STIL: variants seen among roughly 807,000 people sequenced by gnomAD.
STIL encodes SCL-interrupting locus protein.
A neutral mutation model predicts 110.1 loss-of-function variants in STIL; 55 were observed. That is an observed-to-expected ratio of 0.50 (90% CI 0.40 to 0.63). The LOEUF (loss-of-function observed/expected upper bound fraction) is 0.63, where lower values mean the gene tolerates loss of function less well. Among genes scored for constraint, STIL ranks in the 20% least tolerant of loss-of-function variants. The pLI, the probability that STIL is intolerant of heterozygous loss-of-function variation, is 0.00. For missense variants in STIL, 1,358 were observed against 1,530.0 expected (o/e 0.89, Z 1.87); for synonymous variants, 481 against 530.0 (o/e 0.91, Z 1.27).
At chr1:47,299,800 A>G in intron 6 of STIL, 105 bp downstream of exon 6, 2 of 1,199,618 alleles carry the variant, frequency 1.7e-6, no homozygotes, top group Non-Finnish European at 2.4e-6. Flanking sequence ...CCAAGCCACC[A>G]TATCTCTGGC....
At chr1:47,264,419 T>TA (rs1644576919) in intron 14 of STIL, among the ~76,000 whole-genome samples, 1 of 152,036 alleles carries the variant, frequency 6.6e-6, no homozygotes, top group Non-Finnish European at 1.5e-5. Context: ...TAAGATTAAA[T>TA]AAAAAATTTT....
At chr1:47,266,024 T>C (rs1241660067) in intron 14 of STIL, among the ~76,000 whole-genome samples, 1 of 151,940 alleles carries the variant, frequency 6.6e-6, no homozygotes, top group Non-Finnish European at 1.5e-5. Context: ...CACTTTGGCC[T>C]CCCAAAGTGC....
chr1:47,304,766 G>T (rs1645903290), intron 3 of STIL, 123 bp downstream of exon 3: 1 of 781,306 alleles, frequency 1.3e-6, no homozygotes, highest in Non-Finnish European at 2.1e-6. Context: ...TGCCTGAGGG[G>T]AGATTCTAAA....
intron 10 of STIL, among the ~76,000 whole-genome samples, chr1:47,285,020 CTTT>C (rs35801422): frequency 7.4e-6 from 1 of 134,712 alleles, no homozygotes; most frequent in African/African-American, 2.8e-5. Context: ...CATTTTTTGT[CTTT>C]TTTTTTTTTT....
chr1:47,255,968 T>C (rs1644316825), intron 16 of STIL, among the ~76,000 whole-genome samples: 1 of 152,278 alleles, frequency 6.6e-6, no homozygotes, highest in South Asian at 2.1e-4. Flanking sequence ...AGTTTTCACA[T>C]AGACACAATG....
chr1:47,251,450 C>G lies in STIL; in HGVS notation c.3553G>C (p.Glu1185Gln). ...GTATCTGCGTTGGTCCCCACAGATT[C>G]ACAGTTAGAACAATTAATTATTTCA... ...DHEIINCSNC[E>Q]SVGTNADTPV... Residue 1185 changes from glutamate to glutamine, a missense_variant, in exon 17 of 17, where the codon GAA (glutamate) becomes CAA (glutamine). Glu to Gln is a conservative substitution (Grantham distance 29). Transcript: ENST00000371877. 1 of 1,614,188 alleles carries G rather than the reference C, an allele frequency of 6.2e-7. No individual in the cohort carries two copies. Among genetic ancestry groups the G allele is most frequent in the East Asian group, 2.2e-5 (1 of 44,878 alleles).
At chr1:47,270,070 CTACAAAAAAAA>C (rs768454259) in intron 13 of STIL, among the ~76,000 whole-genome samples, 8 of 151,626 alleles carry the variant, frequency 5.3e-5, no homozygotes, top group Non-Finnish European at 7.4e-5. Context: ...AATCCTGTCT[CTACAAAAAAAA>C]TACAAAAAAA....
chr1:47,307,370 G>A (rs992122489), intron 2 of STIL, among the ~76,000 whole-genome samples: 19 of 152,198 alleles, frequency 1.2e-4, no homozygotes, highest in Non-Finnish European at 2.4e-4. Flanking sequence ...CATGACTGAA[G>A]GACGTGGATT....
At chr1:47,275,529 A>C (rs1163488768) in intron 12 of STIL, among the ~76,000 whole-genome samples, 1 of 151,938 alleles carries the variant, frequency 6.6e-6, no homozygotes, top group Non-Finnish European at 1.5e-5. Context: ...AATGGTGTGA[A>C]CCCGGGAGGC....
At chr1:47,265,367 T>C (rs1007441948) in intron 14 of STIL, among the ~76,000 whole-genome samples, 2 of 152,066 alleles carry the variant, frequency 1.3e-5, no homozygotes, top group Admixed American at 6.6e-5. Context: ...TCCCATGGTT[T>C]GCTCCTCTTT....
intron 16 of STIL, among the ~76,000 whole-genome samples, chr1:47,252,319 T>C (rs1321317653): frequency 6.6e-6 from 1 of 152,106 alleles, no homozygotes; most frequent in African/African-American, 2.4e-5. Flanking sequence ...GAGTTCAAAG[T>C]TACAGTGAGC....
intron 16 of STIL, among the ~76,000 whole-genome samples, chr1:47,256,613 T>C (rs1275091258): frequency 1.0e-5 from 1 of 98,040 alleles, no homozygotes; most frequent in African/African-American, 4.5e-5. Flanking sequence ...AGAGCGAGAC[T>C]CCATCTCAAA....
At chr1:47,264,374 G>C (rs1217782122) in intron 14 of STIL, among the ~76,000 whole-genome samples, 1 of 151,878 alleles carries the variant, frequency 6.6e-6, no homozygotes, top group Non-Finnish European at 1.5e-5. Context: ...GAAGAAAAAG[G>C]AATAAATAAA....
chr1:47,261,745 CAAA>C (rs34657491), intron 15 of STIL, among the ~76,000 whole-genome samples: 10 of 124,436 alleles, frequency 8.0e-5, no homozygotes, highest in Non-Finnish European at 1.0e-4. Flanking sequence ...GACTCTGTCT[CAAA>C]AAAAAAAAAA....
chr1:47,282,591 A>G (rs1050339696), intron 10 of STIL, 132 bp from the exon 11 acceptor site: 14 of 655,386 alleles, frequency 2.1e-5, no homozygotes, highest in African/African-American at 1.8e-4. Context: ...GACAACCACA[A>G]ATTATTTTAT....
intron 5 of STIL, 98 bp downstream of exon 5, chr1:47,301,463 G>T: frequency 2.3e-6 from 3 of 1,327,848 alleles, no homozygotes; most frequent in Non-Finnish European, 2.1e-6. Flanking sequence ...CCAAATTATT[G>T]TAAATCATTC....
Position 47,269,726 on chromosome 1 carries a change from C to A in STIL, c.2524G>T (p.Ala842Ser). 1 of 1,614,152 alleles carries A rather than the reference C, an allele frequency of 6.2e-7. No individual in the cohort carries two copies. The highest frequency in any genetic ancestry group is 1.3e-5 in the African/African-American group (1 of 75,038). The change falls in exon 14 of 17, where the codon GCA becomes TCA. Residue 842 changes from alanine (A) to serine (S), a missense_variant. Physicochemically the swap from Ala to Ser is moderately conservative, Grantham distance 99. Coordinates refer to ENST00000371877, the MANE Select transcript of STIL (RefSeq NM_001048166.1). ...NNEVTSLPGS[A>S]SSLKAVDIPS... ...ATATCAACTGCTTTTAATGAAGATG[C>A]ACTACCTGGAAGACTTGTGACTTCA...
intron 14 of STIL, among the ~76,000 whole-genome samples, chr1:47,266,775 A>G (rs936555305): frequency 1.3e-5 from 2 of 152,162 alleles, no homozygotes; most frequent in Admixed American, 6.5e-5. Context: ...TCCACTCTTA[A>G]CATCCTTCAG....
intron 13 of STIL, 52 bp downstream of exon 13, chr1:47,272,024 T>C: frequency 1.3e-6 from 2 of 1,588,724 alleles, no homozygotes; most frequent in Non-Finnish European, 1.7e-6. Flanking sequence ...AAACCAGATA[T>C]GAAAAGCATT....
Sources: allele counts gnomAD v4.1 joint callset (sites outside exome capture counted in the v4.1 genomes callset), GRCh38; gene constraint gnomAD v4.1.1; transcripts MANE v1.5; gene names NCBI Gene and HGNC (gene_info 2026-07-23, HGNC 2026-07-21).